UBAP1L: variants seen among roughly 807,000 people sequenced by gnomAD.
The protein encoded by UBAP1L is ubiquitin-associated protein 1-like.
Under a neutral mutation model 32.1 loss-of-function variants are expected in UBAP1L, and 32 were observed. The ratio of observed to expected loss-of-function variants is 1.00; its 90% confidence interval spans 0.75 to 1.34. The LOEUF (loss-of-function observed/expected upper bound fraction) is 1.34. Ranked by LOEUF, UBAP1L falls within the 40% of genes most tolerant of loss-of-function variation. UBAP1L has a pLI of 0.00. For missense variants in UBAP1L, 516 were observed against 540.5 expected (o/e 0.95, Z 0.45); for synonymous variants, 243 against 250.2 (o/e 0.97, Z 0.27).
At chr15:65,093,952 C>T (rs939673505) in intron 5 of UBAP1L, among the ~76,000 whole-genome samples, 1 of 152,158 alleles carries the variant, frequency 6.6e-6, no homozygotes, top group Admixed American at 6.5e-5. Context: ...GAGACCGAGG[C>T]GGGAGAATTG....
chr15:65,102,626 G>C lies in UBAP1L; in HGVS notation c.179C>G (p.Pro60Arg). 6.5e-7 allele frequency: 1 copy of C among 1,549,540 alleles called. No individual in the cohort carries two copies. Among genetic ancestry groups the C allele is most frequent in the Non-Finnish European group, 8.7e-7 (1 of 1,146,836 alleles). The change falls in exon 3 of 6, where the codon CCC becomes CGC. Residue 60 changes from proline to arginine, a missense_variant. By Grantham distance (103) the Pro-to-Arg change is moderately radical (BLOSUM62 -2). Transcript: ENST00000559089. This position sits in a 1 kb window ranked among gnomAD's most constrained non-coding sequence, Gnocchi z 5.0. ...LFWVEAAGQG[P>R]SPYQCGDPGT... ...CGGGTCACCGCACTGGTACGGGCTG[G>C]GTCCCTGGCCGGCGGCCTCCACCCA... is the stretch of plus-strand genomic sequence containing the variant.
intron 1 of UBAP1L, among the ~76,000 whole-genome samples, chr15:65,109,509 C>G (rs1487097033): frequency 7.1e-6 from 1 of 141,624 alleles, no homozygotes; most frequent in Non-Finnish European, 1.5e-5. Flanking sequence ...AAAAAAACTT[C>G]CATTCATCAG....
rs142491444 is a variant in UBAP1L, at chr15:65,110,506, C to T, written c.-173-4118G>A. ...CAGCCTGGCCAACATGGTGAAACCC[C>T]GTCTCAACTAAAAATACAAAAAAAA... On this transcript the variant is annotated intron_variant, in intron 1 of 5. Coordinates refer to ENST00000559089, the MANE Select transcript of UBAP1L (RefSeq NM_001163692.2). Among the ~76,000 whole-genome samples the T allele has an allele frequency of 9.7e-3, 1,448 of 150,040 alleles. 29 individuals carry two copies. Among genetic ancestry groups the T allele is most frequent in the African/African-American group, 0.029 (1,185 of 40,732 alleles).
At position 65,099,652 on chromosome 15, in the gene UBAP1L, G is replaced by T; in HGVS notation, c.762C>A (p.His254Gln). 1 of 1,551,638 alleles carries T rather than the reference G, an allele frequency of 6.4e-7. No homozygotes were observed. Among genetic ancestry groups the T allele is most frequent in the Non-Finnish European group, 8.7e-7 (1 of 1,146,962 alleles). Residue 254 changes from histidine (H) to glutamine (Q), a missense_variant, in exon 4 of 6, where the codon CAC becomes CAA. His to Gln is a conservative substitution (Grantham distance 24). Transcript: ENST00000559089. ...LGGAPQPLNP[H>Q]KSHPDTAADL... ...CAGCCGCAGTATCAGGGTGTGACTT[G>T]TGGGGGTTGAGAGGTTGGGGTGCCC...
chr15:65,098,855 G>A (rs1340385794), intron 4 of UBAP1L: 1 of 152,124 alleles, frequency 6.6e-6, no homozygotes, highest in Non-Finnish European at 1.5e-5. Context: ...TAAGTTTCGG[G>A]GTAGTTTGTT....
At chr15:65,104,015 G>C (rs919338404) in intron 2 of UBAP1L, among the ~76,000 whole-genome samples, 1 of 152,212 alleles carries the variant, frequency 6.6e-6, no homozygotes, top group Non-Finnish European at 1.5e-5. Flanking sequence ...AGCACTTTGG[G>C]AGGCTGAGGC....
intron 1 of UBAP1L, 43 bp from the exon 2 acceptor site, chr15:65,106,431 C>T (rs372811375): frequency 1.2e-4 from 55 of 475,182 alleles, no homozygotes; most frequent in East Asian, 3.1e-4. Flanking sequence ...AGCATTCACA[C>T]GGACAGAAAT....
chr15:65,112,003 G>A (rs951231185), intron 1 of UBAP1L, among the ~76,000 whole-genome samples: 2 of 152,160 alleles, frequency 1.3e-5, no homozygotes, highest in African/African-American at 4.8e-5. Context: ...TATCGATATT[G>A]CCTAGTTAGA....
At position 65,094,817 on chromosome 15, in the gene UBAP1L, C is replaced by T. The variant is rs2087156479; in HGVS notation, c.910-241G>A. On this transcript the variant is annotated intron_variant, in intron 4 of 5. Transcript: ENST00000559089. This position sits in a 1 kb window ranked among gnomAD's most constrained non-coding sequence, Gnocchi z 4.2. ...CTATGCCAAGCTGGGGGCTGGACTC[C>T]AGGAAAAGGGCTGTCAGGGTGGGCT... is the stretch of plus-strand genomic sequence containing the variant. 12 of 557,140 alleles carry T rather than the reference C, an allele frequency of 2.2e-5. No homozygotes were observed. The South Asian group carries it at 2.2e-4, about 10-fold the overall frequency. 34.5% of individuals were successfully genotyped at this position (557,140 alleles called of 1,614,324 possible).
At chr15:65,114,797 T>C (rs1271857126) in intron 1 of UBAP1L, among the ~76,000 whole-genome samples, 1 of 152,226 alleles carries the variant, frequency 6.6e-6, no homozygotes, top group Non-Finnish European at 1.5e-5. Context: ...CTAACACCAC[T>C]TGCCTCAGAG....
intron 1 of UBAP1L, among the ~76,000 whole-genome samples, chr15:65,108,547 T>A (rs1185022698): frequency 5.3e-5 from 8 of 151,876 alleles, no homozygotes; most frequent in Non-Finnish European, 1.2e-4. Context: ...GAGATTGAGA[T>A]GAGCATGGGC....
chr15:65,111,779 C>T (rs2087371025), intron 1 of UBAP1L, among the ~76,000 whole-genome samples: 1 of 152,010 alleles, frequency 6.6e-6, no homozygotes, highest in South Asian at 2.1e-4. Flanking sequence ...GCCACCATGC[C>T]CAGCCTATAT....
intron 1 of UBAP1L, among the ~76,000 whole-genome samples, chr15:65,109,051 G>T (rs997431229): frequency 3.3e-5 from 5 of 151,448 alleles, no homozygotes; most frequent in Admixed American, 6.6e-5. Context: ...CAGCTACTAG[G>T]GAGGCTGAGG....
intron 4 of UBAP1L, chr15:65,097,309 C>T (rs561340807): frequency 1.2e-4 from 19 of 152,536 alleles, no homozygotes; most frequent in African/African-American, 4.6e-4. Flanking sequence ...GTCAGAGCCC[C>T]ACTGTGCACC....
intron 1 of UBAP1L, among the ~76,000 whole-genome samples, chr15:65,113,242 A>T (rs1408440362): frequency 1.3e-5 from 2 of 152,166 alleles, no homozygotes; most frequent in African/African-American, 4.8e-5. Flanking sequence ...GCACTCTCCT[A>T]CTTAAAACTC....
intron 1 of UBAP1L, among the ~76,000 whole-genome samples, chr15:65,109,823 C>T (rs2140570739): frequency 6.6e-6 from 1 of 152,288 alleles, no homozygotes; most frequent in South Asian, 2.1e-4. Context: ...TTCACAATAT[C>T]AAGCGATGAT....
chr15:65,108,644 C>G (rs143320218), intron 1 of UBAP1L, among the ~76,000 whole-genome samples: 2 of 151,982 alleles, frequency 1.3e-5, no homozygotes, highest in East Asian at 3.9e-4. Flanking sequence ...ACTCGGGAGG[C>G]TGAAGTAGGA....
chr15:65,099,635 G>GT lies in UBAP1L; in HGVS notation c.778dup (p.Thr260AsnfsTer4). On this transcript the variant is annotated frameshift_variant, in exon 4 of 6. Transcript: ENST00000559089. LOFTEE classifies it high-confidence loss of function. ...CAGGGCGGACAGCAGGTCAGCCGCA[G>GT]TATCAGGGTGTGACTTGTGGGGGTT... 6.4e-7 allele frequency: 1 copy of GT among 1,551,708 alleles called. No individual in the cohort carries two copies. Among genetic ancestry groups the GT allele is most frequent in the African/African-American group, 1.4e-5 (1 of 73,178 alleles).
chr15:65,106,791 C>A (rs2087317296), intron 1 of UBAP1L, among the ~76,000 whole-genome samples: 1 of 152,080 alleles, frequency 6.6e-6, no homozygotes, highest in Non-Finnish European at 1.5e-5. Flanking sequence ...CAGGCTTGTG[C>A]CACCACACCC....
Sources: gnomAD v4.1 joint callset for allele counts (sites outside exome capture counted in the v4.1 genomes callset) on GRCh38, gnomAD v4.1.1 for gene constraint, Gnocchi (gnomAD v3.1) non-coding constraint, MANE v1.5 for transcripts, NCBI Gene and HGNC (gene_info 2026-07-23, HGNC 2026-07-21) for gene names.